TNS1: variants seen among roughly 807,000 people sequenced by gnomAD.
The protein encoded by TNS1 is tensin-1.
A neutral mutation model predicts 168.6 loss-of-function variants in TNS1; 62 were observed. The observed-to-expected ratio is 0.37, with a 90% CI of 0.30 to 0.45. TNS1 has a LOEUF of 0.45. TNS1 is among the 20% of genes least tolerant of loss of function. The pLI is 1.00. For missense variants in TNS1, 2,240 were observed against 2,339.4 expected, an observed-to-expected ratio of 0.96 and a Z score of 0.88; for synonymous variants, 934 against 933.2, an observed-to-expected ratio of 1.00 and a Z score of -0.02.
intron 18 of TNS1, among the ~76,000 whole-genome samples, chr2:217,878,953 G>C (rs1251019471): frequency 6.6e-6 from 1 of 152,156 alleles, no homozygotes; most frequent in Non-Finnish European, 1.5e-5. Context: ...CATTCCCTCA[G>C]ACAGAGGGAT....
intron 1 of TNS1, among the ~76,000 whole-genome samples, chr2:218,018,804 C>T (rs768661625): frequency 1.3e-5 from 2 of 152,170 alleles, no homozygotes; most frequent in Non-Finnish European, 2.9e-5. Context: ...TTAGGCTGGG[C>T]GCGGTGGCTC....
chr2:217,924,004 T>G (rs1955874857), intron 3 of TNS1, among the ~76,000 whole-genome samples: 1 of 152,188 alleles, frequency 6.6e-6, no homozygotes, highest in South Asian at 2.1e-4. Flanking sequence ...GAAAAAGCAC[T>G]AGAGAGCAGC....
chr2:217,907,364 A>G, intron 4 of TNS1, 113 bp from the exon 5 acceptor site: 2 of 677,280 alleles, frequency 3.0e-6, no homozygotes, highest in Non-Finnish European at 5.4e-6. Flanking sequence ...GACAGGGATG[A>G]TGAGGCCAAC....
At chr2:217,949,928 C>T (rs779679774) in intron 3 of TNS1, among the ~76,000 whole-genome samples, 2 of 152,096 alleles carry the variant, frequency 1.3e-5, no homozygotes, top group Non-Finnish European at 2.9e-5. Context: ...AGCAAAAGGT[C>T]TAAAATTTAT....
chr2:217,925,165 G>A (rs369154489), intron 3 of TNS1, among the ~76,000 whole-genome samples: 26 of 152,190 alleles, frequency 1.7e-4, no homozygotes, highest in East Asian at 9.6e-4. Flanking sequence ...ATGTTCTGTC[G>A]TGTTTTTACA....
In TNS1 at chr2:217,848,476, C is replaced by T; in HGVS notation, c.2041G>A (p.Gly681Arg). 6.2e-7 allele frequency: 1 copy of T among 1,613,342 alleles called. No homozygotes were observed. Among genetic ancestry groups the T allele is most frequent in the Non-Finnish European group, 8.5e-7 (1 of 1,179,474 alleles). ...GCAGACTCGTAGGGGTAGCCTCCTC[C>T]ATTGACCATAGGCTCCATGGGGTAG... ...KSYPMEPMVN[G>R]GGYPYESASR... The change falls in exon 19 of 33, where the codon GGA becomes AGA. Residue 681 changes from glycine to arginine, a missense_variant. Physicochemically the swap from Gly to Arg is moderately radical, Grantham distance 125. Transcript: ENST00000682258.
At chr2:217,951,872 G>A (rs1957251476) in intron 3 of TNS1, among the ~76,000 whole-genome samples, 1 of 152,244 alleles carries the variant, frequency 6.6e-6, no homozygotes, top group South Asian at 2.1e-4. Flanking sequence ...CCACATGCCA[G>A]GTGCTCAGTG....
At chr2:217,925,363 G>A (rs138861358) in intron 3 of TNS1, among the ~76,000 whole-genome samples, 29 of 152,124 alleles carry the variant, frequency 1.9e-4, no homozygotes, top group Non-Finnish European at 4.0e-4. Flanking sequence ...GCAGGACCAG[G>A]GCCCCAACTG....
chr2:217,889,674 T>C (rs1472064151), intron 12 of TNS1, among the ~76,000 whole-genome samples: 2 of 152,374 alleles, frequency 1.3e-5, no homozygotes, highest in Non-Finnish European at 2.9e-5. Context: ...GCAGCTCTCA[T>C]GACTATCTGA....
At chr2:217,822,516 C>G (rs1943026975) in intron 22 of TNS1, among the ~76,000 whole-genome samples, 2 of 152,244 alleles carry the variant, frequency 1.3e-5, no homozygotes, top group Non-Finnish European at 2.9e-5. Context: ...ACCCACCCCT[C>G]TCTGCCTGAC....
At chr2:217,913,496 C>T (rs1954661983) in intron 4 of TNS1, among the ~76,000 whole-genome samples, 1 of 152,102 alleles carries the variant, frequency 6.6e-6, no homozygotes. Flanking sequence ...GAAGGCTGTG[C>T]CCTTCCTCCA....
chr2:218,018,969 C>G (rs1233618435), intron 1 of TNS1, among the ~76,000 whole-genome samples: 1 of 151,496 alleles, frequency 6.6e-6, no homozygotes, highest in East Asian at 1.9e-4. Context: ...CCCAACTACT[C>G]GGGAAGCTGA....
chr2:217,807,545 C>T (rs763195226), intron 32 of TNS1, among the ~76,000 whole-genome samples: 7 of 152,096 alleles, frequency 4.6e-5, no homozygotes, highest in Non-Finnish European at 1.0e-4. Context: ...GGTCAGAGAC[C>T]CAGGCAGGAT....
chr2:218,022,785 G>C lies in TNS1; in HGVS notation c.156+11035C>G, dbSNP rs147344511. ...GGGGGAAGGGGCAGCAGGCAAGGGT[G>C]GGGGGTTAGGGGTGGCAGAGATGGG... On this transcript the variant is annotated intron_variant, in intron 1 of 1. Coordinates refer to the TNS1 transcript ENST00000649572. Among the ~76,000 whole-genome samples, 4 of 151,742 alleles carry C rather than the reference G, an allele frequency of 2.6e-5. No homozygotes were observed. The South Asian group carries it at 8.4e-4, about 32-fold the overall frequency.
intron 1 of TNS1, among the ~76,000 whole-genome samples, chr2:218,031,927 C>T (rs1958902935): frequency 6.6e-6 from 1 of 152,206 alleles, no homozygotes; most frequent in African/African-American, 2.4e-5. Context: ...GTCTCCTCCC[C>T]ACTGCTCCCG....
rs562319862 is a variant in TNS1, at chr2:217,980,763, G to A, written c.149-1961C>T. Among the ~76,000 whole-genome samples the A allele has an allele frequency of 7.9e-5, 12 of 152,182 alleles. No individual in the cohort carries two copies. In the South Asian group the frequency reaches 8.3e-4, roughly 11 times the overall value. On this transcript the variant is annotated intron_variant, in intron 2 of 32. Transcript: ENST00000682258. ...AGACATGAGGGACACAATGGGGGCC[G>A]GGACTCCACCTCCCTCCAGCATGCT...
chr2:217,907,512 G>A (rs1284910545), intron 4 of TNS1, among the ~76,000 whole-genome samples: 1 of 152,198 alleles, frequency 6.6e-6, no homozygotes, highest in Non-Finnish European at 1.5e-5. Flanking sequence ...CCGGCGCCAG[G>A]CCTCTGGTTC....
At chr2:217,891,498 C>G (rs1289261841) in intron 11 of TNS1, among the ~76,000 whole-genome samples, 1 of 152,188 alleles carries the variant, frequency 6.6e-6, no homozygotes, top group Non-Finnish European at 1.5e-5. Flanking sequence ...AAAGGTGCAG[C>G]CTCATCTTTG....
chr2:217,896,755 C>A (rs953391467), intron 8 of TNS1, among the ~76,000 whole-genome samples: 25 of 152,152 alleles, frequency 1.6e-4, no homozygotes, highest in African/African-American at 6.0e-4. Context: ...CATGGGTGCT[C>A]AGGTCTCTTA....
Sources: allele counts gnomAD v4.1 joint callset (sites outside exome capture counted in the v4.1 genomes callset), GRCh38; gene constraint gnomAD v4.1.1; transcripts MANE v1.5; gene names NCBI Gene and HGNC (gene_info 2026-07-23, HGNC 2026-07-21).